The following SLC26A7 variants were observed in gnomAD, a reference collection of about 807,000 sequenced individuals.
SLC26A7 encodes the protein anion exchange transporter.
A neutral mutation model predicts 82.5 loss-of-function variants in SLC26A7; 59 were observed. The ratio of observed to expected loss-of-function variants is 0.72; its 90% CI spans 0.58 to 0.89. The LOEUF is 0.89. SLC26A7 is among the 40% of genes least tolerant of loss of function. The pLI, the probability that SLC26A7 is intolerant of heterozygous loss-of-function variation, is 0.00. For synonymous variants in SLC26A7, 271 were observed against 274.3 expected, an observed-to-expected ratio of 0.99 and a Z score of 0.12; for missense variants, 820 against 793.0, an observed-to-expected ratio of 1.03 and a Z score of -0.41.
intron 15 of SLC26A7, among the ~76,000 whole-genome samples, 189 bp from the exon 16 acceptor site, chr8:91,389,149 G>A (rs1814882989): frequency 1.3e-5 from 2 of 152,068 alleles, no homozygotes; most frequent in African/African-American, 4.8e-5. Context: ...ACCTGAAATT[G>A]CATTCCAGTA....
chr8:91,297,330 G>A (rs1447867249), intron 4 of SLC26A7, among the ~76,000 whole-genome samples: 2 of 151,352 alleles, frequency 1.3e-5, no homozygotes, highest in African/African-American at 2.4e-5. Flanking sequence ...CAATCATCAG[G>A]TATTCTGTTA....
At chr8:91,357,926 A>G in intron 11 of SLC26A7, among the ~76,000 whole-genome samples, 1 of 152,226 alleles carries the variant, frequency 6.6e-6, no homozygotes, top group East Asian at 1.9e-4. Context: ...AAAAGAAAAC[A>G]ACACCATCAA....
intron 2 of SLC26A7, among the ~76,000 whole-genome samples, chr8:91,255,464 G>A (rs1174038221): frequency 1.3e-5 from 2 of 152,098 alleles, no homozygotes; most frequent in Non-Finnish European, 2.9e-5. Flanking sequence ...CAGCTTTGGC[G>A]ATACAGAATC....
At chr8:91,386,649 G>C (rs1264337033) in intron 15 of SLC26A7, among the ~76,000 whole-genome samples, 1 of 152,094 alleles carries the variant, frequency 6.6e-6, no homozygotes, top group Non-Finnish European at 1.5e-5. Flanking sequence ...TGATATGCTG[G>C]TGAATAACAA....
intron 4 of SLC26A7, among the ~76,000 whole-genome samples, chr8:91,306,289 C>A (rs532759874): frequency 1.2e-4 from 19 of 152,140 alleles, no homozygotes; most frequent in Non-Finnish European, 2.8e-4. Flanking sequence ...CTATTTCTCT[C>A]TTTTGTATGC....
intron 9 of SLC26A7, among the ~76,000 whole-genome samples, chr8:91,347,536 T>C (rs6993516): frequency 0.17 from 25,361 of 152,270 alleles, 2,458 homozygotes; most frequent in Middle Eastern, 0.27. Flanking sequence ...AAATCTGGTA[T>C]TTTAGATTTC....
Position 91,387,309 on chromosome 8 carries a change from A to C in SLC26A7, c.1676-2029A>C, listed in dbSNP as rs370929019. On this transcript the variant is annotated intron_variant, in intron 15 of 18. Transcript: ENST00000276609. ...GATAAATCTTATGTTTAATTAGGCA[A>C]ATAATGAATGATAGTGATTACAGTT... Among the ~76,000 whole-genome samples, 250 of 152,340 alleles carry C rather than the reference A, an allele frequency of 1.6e-3. 1 individual carries two copies. The highest frequency in any genetic ancestry group is 5.4e-3 in the African/African-American group (224 of 41,572).
At chr8:91,383,013 G>T (rs1814707128) in intron 15 of SLC26A7, among the ~76,000 whole-genome samples, 1 of 152,076 alleles carries the variant, frequency 6.6e-6, no homozygotes, top group African/African-American at 2.4e-5. Context: ...TTGAAAGTAG[G>T]CTATATACAT....
intron 4 of SLC26A7, among the ~76,000 whole-genome samples, chr8:91,303,555 T>C (rs1039458787): frequency 1.3e-5 from 2 of 152,216 alleles, no homozygotes; most frequent in African/African-American, 2.4e-5. Flanking sequence ...AAGTTATATA[T>C]GTTTGTGTCA....
chr8:91,310,426 T>G (rs1812448809), intron 4 of SLC26A7, among the ~76,000 whole-genome samples: 1 of 152,006 alleles, frequency 6.6e-6, no homozygotes, highest in Non-Finnish European at 1.5e-5. Flanking sequence ...GATGGGCAGT[T>G]TATGGGTCCC....
chr8:91,220,702 A>G (rs1164067465), intron 2 of SLC26A7, among the ~76,000 whole-genome samples: 2 of 152,204 alleles, frequency 1.3e-5, no homozygotes, highest in African/African-American at 4.8e-5. Context: ...TTATGGCTGC[A>G]TAGTATTCCA....
At chr8:91,209,930 T>C (rs576597924) in intron 1 of SLC26A7, among the ~76,000 whole-genome samples, 8 of 152,228 alleles carry the variant, frequency 5.3e-5, no homozygotes, top group South Asian at 4.1e-4. Context: ...TCTTACTATA[T>C]GCAAGGTACT....
intron 7 of SLC26A7, among the ~76,000 whole-genome samples, chr8:91,339,580 T>C (rs1325254749): frequency 6.6e-6 from 1 of 152,128 alleles, no homozygotes; most frequent in East Asian, 1.9e-4. Flanking sequence ...TACTGGGTTT[T>C]AAAAATCAAC....
chr8:91,283,937 C>A (rs997118175), intron 2 of SLC26A7, among the ~76,000 whole-genome samples: 1 of 151,960 alleles, frequency 6.6e-6, no homozygotes, highest in Non-Finnish European at 1.5e-5. Flanking sequence ...TCTACCATCG[C>A]CGAATGCAGT....
intron 2 of SLC26A7, among the ~76,000 whole-genome samples, chr8:91,274,216 A>T (rs941593082): frequency 6.6e-6 from 1 of 152,228 alleles, no homozygotes; most frequent in Non-Finnish European, 1.5e-5. Flanking sequence ...TCTATTCCCC[A>T]CTAGAACATA....
intron 2 of SLC26A7, among the ~76,000 whole-genome samples, chr8:91,253,552 A>G (rs1810718622): frequency 6.6e-6 from 1 of 152,108 alleles, no homozygotes; most frequent in East Asian, 1.9e-4. Context: ...GTTCAGAATT[A>G]TTTAATGAAC....
At chr8:91,246,114 T>C (rs1810540923), upstream of SLC26A7, among the ~76,000 whole-genome samples, 1 of 152,218 alleles carries the variant, frequency 6.6e-6, no homozygotes, top group Non-Finnish European at 1.5e-5. Context: ...TTTATTCTCA[T>C]TTTCTCTCCA....
intron 4 of SLC26A7, among the ~76,000 whole-genome samples, chr8:91,314,395 G>T (rs1812573589): frequency 1.3e-5 from 2 of 152,088 alleles, no homozygotes; most frequent in South Asian, 4.2e-4. Context: ...TGCTACCTTT[G>T]AGCTGTGTAC....
At chr8:91,262,085 A>G (rs1201593299) in intron 2 of SLC26A7, among the ~76,000 whole-genome samples, 1 of 152,096 alleles carries the variant, frequency 6.6e-6, no homozygotes, top group African/African-American at 2.4e-5. Flanking sequence ...GGTGGTAGAC[A>G]GAAGAGGTCT....
Sources: allele counts gnomAD v4.1 joint callset (sites outside exome capture counted in the v4.1 genomes callset), GRCh38; gene constraint gnomAD v4.1.1; transcripts MANE v1.5; gene names NCBI Gene and HGNC (gene_info 2026-07-23, HGNC 2026-07-21).